NPTN: variants seen among roughly 807,000 people sequenced by gnomAD.
NPTN encodes the protein SDR-1.
NPTN carries 5 observed loss-of-function variants against 42.7 expected under a neutral mutation model. The observed-to-expected ratio is 0.12, with a 90% confidence interval of 0.06 to 0.25. NPTN has a LOEUF of 0.25. Ranked by LOEUF, NPTN falls within the 10% of genes least tolerant of loss-of-function variation. The pLI, the probability that NPTN is intolerant of heterozygous loss-of-function variation, is 1.00. For missense variants in NPTN, 307 were observed against 525.4 expected (o/e 0.58, Z 4.06); for synonymous variants, 180 against 201.9 (o/e 0.89, Z 0.92).
chr15:73,621,648 T>C (rs1898140562), intron 1 of NPTN, among the ~76,000 whole-genome samples: 1 of 152,236 alleles, frequency 6.6e-6, no homozygotes, highest in Admixed American at 6.5e-5. Context: ...TCCAGTGTTC[T>C]TTCTACTTAA....
At chr15:73,599,950 T>G (rs940966697) in intron 1 of NPTN, among the ~76,000 whole-genome samples, 1 of 152,226 alleles carries the variant, frequency 6.6e-6, no homozygotes, top group Non-Finnish European at 1.5e-5. Flanking sequence ...AGCCTTAGAC[T>G]TAAGCCTGTT....
chr15:73,568,331 G>A, intron 6 of NPTN: 2 of 985,464 alleles, frequency 2.0e-6, no homozygotes, highest in Non-Finnish European at 2.4e-6. Flanking sequence ...ATCAGGTTCT[G>A]AAGTCCATCT....
At chr15:73,589,966 T>C (rs1896506516) in intron 3 of NPTN, among the ~76,000 whole-genome samples, 1 of 151,718 alleles carries the variant, frequency 6.6e-6, no homozygotes, top group South Asian at 2.1e-4. Flanking sequence ...CTGAAGTTCT[T>C]TGAGTCCAAG....
At chr15:73,630,818 A>T (rs1439310985) in intron 1 of NPTN, among the ~76,000 whole-genome samples, 5 of 152,270 alleles carry the variant, frequency 3.3e-5, no homozygotes, top group Admixed American at 6.5e-5. Flanking sequence ...AGATCACTGC[A>T]GGGCTATTTA....
At position 73,597,354 on chromosome 15, in the gene NPTN, G is replaced by A. The variant is rs1205697454; in HGVS notation, c.107C>T (p.Ser36Leu). The change falls in exon 2 of 9, where the codon TCG (serine) becomes TTG (leucine). Residue 36 changes from serine (S) to leucine (L), a missense_variant. Coordinates refer to ENST00000345330, the MANE Select transcript of NPTN (RefSeq NM_012428.4). This position sits in a 1 kb window ranked among gnomAD's most constrained non-coding sequence, Gnocchi z 6.3. Reference protein sequence around the residue: ...GAAQNAGFVKSPMSETKLTGD... With the variant: ...GAAQNAGFVKLPMSETKLTGD... ...CGTGAGCTTAGTTTCTGACATGGGC[G>A]ACTTGACAAACCCAGCTAGAGGGAG... 2.5e-6 allele frequency: 4 copies of A among 1,611,650 alleles called. No individual in the cohort carries two copies. Among genetic ancestry groups the A allele is most frequent in the Non-Finnish European group, 3.4e-6 (4 of 1,178,496 alleles).
chr15:73,613,231 A>C (rs1897679914), intron 1 of NPTN, among the ~76,000 whole-genome samples: 1 of 152,220 alleles, frequency 6.6e-6, no homozygotes, highest in Non-Finnish European at 1.5e-5. Flanking sequence ...TTGATTGTTA[A>C]ATATCTGAGT....
chr15:73,562,989 GAAAA>G (rs200404677), intron 7 of NPTN, among the ~76,000 whole-genome samples: 1 of 142,872 alleles, frequency 7.0e-6, no homozygotes, highest in Non-Finnish European at 1.5e-5. Flanking sequence ...CACAAAATTT[GAAAA>G]AAAAAAAAGT....
At chr15:73,572,389 G>A (rs1895458270) in intron 5 of NPTN, among the ~76,000 whole-genome samples, 1 of 152,196 alleles carries the variant, frequency 6.6e-6, no homozygotes, top group Admixed American at 6.5e-5. Flanking sequence ...TAATGAGAGA[G>A]AAAGTGAGGT....
At chr15:73,582,647 T>C (rs1175825969) in intron 4 of NPTN, among the ~76,000 whole-genome samples, 1 of 152,114 alleles carries the variant, frequency 6.6e-6, no homozygotes, top group Non-Finnish European at 1.5e-5. Context: ...TCATATGAAT[T>C]AAATCAAAAT....
At chr15:73,590,189 C>CAGAA (rs1292680057) in intron 3 of NPTN, among the ~76,000 whole-genome samples, 1 of 152,028 alleles carries the variant, frequency 6.6e-6, no homozygotes, top group Admixed American at 6.5e-5. Flanking sequence ...ACAGGCTGGG[C>CAGAA]AGAAGCAGGG....
chr15:73,601,770 G>C (rs1897093867), intron 1 of NPTN, among the ~76,000 whole-genome samples: 1 of 152,194 alleles, frequency 6.6e-6, no homozygotes, highest in South Asian at 2.1e-4. Flanking sequence ...ATTAATATCA[G>C]TGCATTCAGA....
At chr15:73,606,333 A>C (rs1897293362) in intron 1 of NPTN, among the ~76,000 whole-genome samples, 1 of 152,204 alleles carries the variant, frequency 6.6e-6, no homozygotes, top group African/African-American at 2.4e-5. Flanking sequence ...CAGCAGCCAC[A>C]AACTATTGTC....
intron 4 of NPTN, among the ~76,000 whole-genome samples, chr15:73,581,106 T>C (rs915016506): frequency 6.6e-6 from 1 of 152,224 alleles, no homozygotes; most frequent in African/African-American, 2.4e-5. Context: ...TCAAAGATAC[T>C]GATTACTATG....
At chr15:73,587,869 G>A (rs558375852) in intron 3 of NPTN, among the ~76,000 whole-genome samples, 1 of 152,272 alleles carries the variant, frequency 6.6e-6, no homozygotes, top group Admixed American at 6.5e-5. Flanking sequence ...CTGGTCTACT[G>A]GGAGAAACAA....
chr15:73,596,483 G>A (rs1248961747), intron 2 of NPTN, among the ~76,000 whole-genome samples: 2 of 152,168 alleles, frequency 1.3e-5, no homozygotes, highest in African/African-American at 4.8e-5. Flanking sequence ...TAAAACCATA[G>A]AGGTGAAGGC....
intron 6 of NPTN, among the ~76,000 whole-genome samples, chr15:73,566,628 C>T (rs1456758888): frequency 2.0e-5 from 3 of 152,176 alleles, no homozygotes; most frequent in Non-Finnish European, 4.4e-5. Context: ...GCTGACTGCT[C>T]CTGGAGTGCA....
Position 73,570,065 on chromosome 15 carries a change from A to G in NPTN, c.1114+85T>C, listed in dbSNP as rs1402776167. 7.6e-7 allele frequency: 1 copy of G among 1,314,036 alleles called. No individual in the cohort carries two copies. Among genetic ancestry groups the G allele is most frequent in the Non-Finnish European group, 1.0e-6 (1 of 987,036 alleles). The allele number at this position is 1,314,036 out of a possible 1,614,324, so 81.4% of individuals were successfully genotyped here. Reference sequence around the variant, plus strand: ...TTTCCTTTAGGGATTGAATCCCAACATCCCTATAGTCCTCTTTGGGTACTT... The same window carrying G: ...TTTCCTTTAGGGATTGAATCCCAACGTCCCTATAGTCCTCTTTGGGTACTT... On this transcript the variant is annotated intron_variant, in intron 6 of 8. Transcript: ENST00000345330. This position sits in a 1 kb window ranked among gnomAD's most constrained non-coding sequence, Gnocchi z 4.0.
intron 1 of NPTN, among the ~76,000 whole-genome samples, chr15:73,602,489 C>T (rs975651858): frequency 1.3e-5 from 2 of 152,210 alleles, no homozygotes; most frequent in Non-Finnish European, 2.9e-5. Context: ...AACGTGAATA[C>T]AGGAACTATG....
At chr15:73,580,446 A>ATT (rs1422529414) in intron 4 of NPTN, among the ~76,000 whole-genome samples, 1 of 136,644 alleles carries the variant, frequency 7.3e-6, no homozygotes, top group Non-Finnish European at 1.5e-5. Context: ...TATATAATAT[A>ATT]TATGTATATA....
Sources: gnomAD v4.1 joint callset for allele counts (sites outside exome capture counted in the v4.1 genomes callset) on GRCh38, gnomAD v4.1.1 for gene constraint, Gnocchi (gnomAD v3.1) non-coding constraint, MANE v1.5 for transcripts, NCBI Gene and HGNC (gene_info 2026-07-23, HGNC 2026-07-21) for gene names.